MAPRE2: variants seen among roughly 807,000 people sequenced by gnomAD.
The protein encoded by MAPRE2 is microtubule associated protein RP/EB family member 2.
A neutral mutation model predicts 43.2 loss-of-function variants in MAPRE2; 13 were observed. That is an observed-to-expected ratio of 0.30 (90% confidence interval 0.20 to 0.48). MAPRE2 has a LOEUF of 0.48. Ranked by LOEUF, MAPRE2 falls within the 20% of genes least tolerant of loss-of-function variation. The pLI, the probability that MAPRE2 is intolerant of heterozygous loss-of-function variation, is 0.99. For synonymous variants in MAPRE2, 135 were observed against 148.8 expected, an observed-to-expected ratio of 0.91 and a Z score of 0.68; for missense variants, 161 against 400.2, an observed-to-expected ratio of 0.40 and a Z score of 5.10.
At chr18:34,987,241 C>T (rs527520845) in intron 1 of MAPRE2, among the ~76,000 whole-genome samples, 1 of 152,174 alleles carries the variant, frequency 6.6e-6, no homozygotes, top group Admixed American at 6.5e-5. Context: ...AGAAATCCAT[C>T]AACGATGTCA....
chr18:34,984,700 G>T (rs546672744), intron 1 of MAPRE2, among the ~76,000 whole-genome samples: 1 of 145,602 alleles, frequency 6.9e-6, no homozygotes, highest in Non-Finnish European at 1.5e-5. Context: ...AAAATTAACT[G>T]CCCTCCTTTA....
chr18:35,114,521 A>G (rs924070881), intron 4 of MAPRE2, among the ~76,000 whole-genome samples: 14 of 152,206 alleles, frequency 9.2e-5, no homozygotes, highest in African/African-American at 3.4e-4. Context: ...GCAGAAGTGT[A>G]TACAAAGCCA....
chr18:35,055,656 A>G (rs1488516810), intron 1 of MAPRE2, among the ~76,000 whole-genome samples: 1 of 152,148 alleles, frequency 6.6e-6, no homozygotes, highest in Non-Finnish European at 1.5e-5. Flanking sequence ...CCAGACACAC[A>G]TAAAAGATGT....
At chr18:35,051,916 G>A (rs9959443) in intron 1 of MAPRE2, among the ~76,000 whole-genome samples, 5,615 of 152,208 alleles carry the variant, frequency 0.037, 325 homozygotes, top group African/African-American at 0.13. Flanking sequence ...ATTGCTTGCA[G>A]CTTAAATCTA....
At chr18:35,122,327 G>A (rs1909714806) in intron 4 of MAPRE2, among the ~76,000 whole-genome samples, 1 of 151,942 alleles carries the variant, frequency 6.6e-6, no homozygotes, top group Admixed American at 6.6e-5. Context: ...GGGTTTTTTT[G>A]TTGTAGTTGT....
At chr18:35,039,161 C>G (rs1448705977), upstream of MAPRE2, among the ~76,000 whole-genome samples, 1 of 152,178 alleles carries the variant, frequency 6.6e-6, no homozygotes, top group African/African-American at 2.4e-5. Flanking sequence ...ACTAAAGAAC[C>G]CAGATTGAGA....
chr18:35,108,074 A>G (rs528378986), intron 4 of MAPRE2, among the ~76,000 whole-genome samples: 85 of 151,834 alleles, frequency 5.6e-4, no homozygotes, highest in African/African-American at 1.9e-3. Flanking sequence ...TATGTGTGCC[A>G]TGATGGTTTG....
chr18:35,032,588 A>C (rs533266084), intron 2 of MAPRE2, among the ~76,000 whole-genome samples: 1 of 152,162 alleles, frequency 6.6e-6, no homozygotes, highest in Non-Finnish European at 1.5e-5. Flanking sequence ...ATTGTGCTAT[A>C]AGCTAGGGAC....
intron 2 of MAPRE2, among the ~76,000 whole-genome samples, chr18:35,032,595 G>T (rs1460302186): frequency 1.3e-5 from 2 of 152,048 alleles, no homozygotes. Flanking sequence ...TATAAGCTAG[G>T]GACTCGAAAT....
rs892731443 is a variant in MAPRE2, at chr18:35,142,579, CCA to C, written c.*2211_*2212del. ...TCTTAGCCTGCAAAGAGAACTTTCC[CCA>C]GTCACCATAGACCATTCTCCTTCCT... On this transcript the variant is annotated 3_prime_UTR_variant, in exon 7 of 7. Coordinates refer to ENST00000300249, the MANE Select transcript of MAPRE2 (RefSeq NM_014268.4). 5.9e-5 allele frequency: 9 copies of C among 152,222 alleles called. No homozygotes were observed. Among genetic ancestry groups the C allele is most frequent in the African/African-American group, 2.2e-4 (9 of 41,430 alleles). The allele number at this position is 152,222 out of a possible 1,614,324, so 9.4% of individuals were successfully genotyped here.
intron 2 of MAPRE2, among the ~76,000 whole-genome samples, chr18:35,075,610 T>C (rs1180157562): frequency 6.6e-6 from 1 of 152,238 alleles, no homozygotes; most frequent in Non-Finnish European, 1.5e-5. Flanking sequence ...GTAATTGTAA[T>C]GGAATATTAT....
intron 2 of MAPRE2, among the ~76,000 whole-genome samples, chr18:35,016,181 C>T (rs273361): frequency 0.66 from 99,681 of 151,776 alleles, 34,559 homozygotes; most frequent in East Asian, 0.98. Context: ...TATACCACAT[C>T]TTCTTTACCC....
intron 1 of MAPRE2, chr18:34,978,538 A>G (rs920452377): frequency 1.3e-6 from 2 of 1,551,588 alleles, no homozygotes; most frequent in African/African-American, 2.7e-5. Context: ...ACAGAGATCA[A>G]AAGGTAATCT....
chr18:35,105,940 A>G (rs1338752626), intron 4 of MAPRE2, among the ~76,000 whole-genome samples: 1 of 152,048 alleles, frequency 6.6e-6, no homozygotes, highest in African/African-American at 2.4e-5. Context: ...ATTCTCTGTA[A>G]TATTGACCCT....
At chr18:35,117,637 C>A (rs1367199967) in intron 4 of MAPRE2, among the ~76,000 whole-genome samples, 1 of 152,154 alleles carries the variant, frequency 6.6e-6, no homozygotes, top group Non-Finnish European at 1.5e-5. Flanking sequence ...TCCCCTGTTA[C>A]TGCAGTAAAC....
At chr18:35,027,567 G>T (rs1277212408) in intron 2 of MAPRE2, among the ~76,000 whole-genome samples, 1 of 151,982 alleles carries the variant, frequency 6.6e-6, no homozygotes, top group Non-Finnish European at 1.5e-5. Context: ...AGAGACCATG[G>T]GTGACAACCA....
At chr18:35,029,770 A>G (rs1440216134) in intron 2 of MAPRE2, among the ~76,000 whole-genome samples, 1 of 152,220 alleles carries the variant, frequency 6.6e-6, no homozygotes, top group Non-Finnish European at 1.5e-5. Context: ...CACTTCAACA[A>G]GATGCATTTT....
chr18:35,113,689 T>C (rs1467712102), intron 4 of MAPRE2, among the ~76,000 whole-genome samples: 1 of 152,102 alleles, frequency 6.6e-6, no homozygotes, highest in African/African-American at 2.4e-5. Context: ...GCTCAGGAAT[T>C]TGAGAACAGC....
chr18:35,130,242 G>T (rs566977526), intron 5 of MAPRE2, among the ~76,000 whole-genome samples: 1 of 152,274 alleles, frequency 6.6e-6, no homozygotes, highest in South Asian at 2.1e-4. Flanking sequence ...CTGGGGAGAG[G>T]TTGGTTTGTT....
Sources: gnomAD v4.1 joint callset for allele counts (sites outside exome capture counted in the v4.1 genomes callset) on GRCh38, gnomAD v4.1.1 for gene constraint, MANE v1.5 for transcripts, NCBI Gene and HGNC (gene_info 2026-07-23, HGNC 2026-07-21) for gene names.